CDH19: variants seen among roughly 807,000 people sequenced by gnomAD.
CDH19 encodes cadherin 19.
In CDH19, 67 loss-of-function variants were observed where a neutral mutation model predicts 64.2. The observed-to-expected ratio is 1.04, with a 90% confidence interval of 0.86 to 1.28. CDH19 has a LOEUF of 1.28. CDH19 is among the 50% of genes most tolerant of loss of function. The pLI is 0.00. For missense variants in CDH19, 1,030 were observed against 929.0 expected (o/e 1.11, Z -1.41); for synonymous variants, 346 against 319.3 (o/e 1.08, Z -0.89).
intron 3 of CDH19, among the ~76,000 whole-genome samples, chr18:66,559,368 G>C (rs1471123648): frequency 6.6e-6 from 1 of 151,816 alleles, no homozygotes; most frequent in African/African-American, 2.4e-5. Flanking sequence ...TAATTGTGAA[G>C]AGTTAAAACT....
At chr18:66,586,324 C>T (rs992309035) in intron 1 of CDH19, among the ~76,000 whole-genome samples, 1 of 151,918 alleles carries the variant, frequency 6.6e-6, no homozygotes, top group Admixed American at 6.6e-5. Flanking sequence ...GAAAATGCTA[C>T]TAAAAAATAA....
intron 3 of CDH19, among the ~76,000 whole-genome samples, chr18:66,561,384 C>G (rs539560690): frequency 1.3e-5 from 2 of 152,106 alleles, no homozygotes; most frequent in South Asian, 4.1e-4. Context: ...TATAAAGTGG[C>G]CACCAGGATA....
intron 9 of CDH19, among the ~76,000 whole-genome samples, chr18:66,525,978 A>G (rs191579870): frequency 1.3e-5 from 2 of 152,288 alleles, no homozygotes; most frequent in Admixed American, 1.3e-4. Context: ...TATCCCAGGA[A>G]GGAGTTTGGA....
In CDH19 at chr18:66,511,560, G is replaced by C; in HGVS notation, c.1576+8C>G. 9.0e-7 allele frequency: 1 copy of C among 1,109,242 alleles called. No homozygotes were observed. Among genetic ancestry groups the C allele is most frequent in the Admixed American group, 1.8e-5 (1 of 55,080 alleles). 68.7% of individuals were successfully genotyped at this position (1,109,242 alleles called of 1,614,324 possible). A position where few individuals can be genotyped will look rare whatever the true frequency, so the allele number is the denominator to read the frequency against. ...GTATCAAAACTCATTATGAGTGAAT[G>C]ACATTACCTTGATTATCTATGATTG... is the stretch of plus-strand genomic sequence containing the variant. On this transcript the variant is annotated splice_region_variant and intron_variant, in intron 10 of 11. Transcript: ENST00000262150.
chr18:66,515,325 C>T (rs1985688726), intron 9 of CDH19, among the ~76,000 whole-genome samples: 1 of 151,618 alleles, frequency 6.6e-6, no homozygotes, highest in African/African-American at 2.4e-5. Context: ...TTATATTACT[C>T]TAATGAGTAA....
chr18:66,532,967 G>A (rs1298388413), intron 8 of CDH19, among the ~76,000 whole-genome samples: 1 of 151,992 alleles, frequency 6.6e-6, no homozygotes, highest in African/African-American at 2.4e-5. Flanking sequence ...GCACCTGCTT[G>A]ACCACATAAA....
At chr18:66,594,774 A>T (rs887492523) in intron 1 of CDH19, among the ~76,000 whole-genome samples, 2 of 146,636 alleles carry the variant, frequency 1.4e-5, no homozygotes, top group Non-Finnish European at 1.5e-5. Flanking sequence ...CAAACACTGC[A>T]TATTCTCACT....
intron 1 of CDH19, among the ~76,000 whole-genome samples, chr18:66,594,940 G>T (rs1186653846): frequency 6.6e-6 from 1 of 150,996 alleles, no homozygotes; most frequent in Non-Finnish European, 1.5e-5. Flanking sequence ...CACCAGCATG[G>T]CACATGTATA....
chr18:66,603,031 A>T (rs1989075649), intron 1 of CDH19, among the ~76,000 whole-genome samples: 1 of 151,132 alleles, frequency 6.6e-6, no homozygotes, highest in Admixed American at 6.6e-5. Context: ...CAAATATTTT[A>T]TCTAAATAAT....
chr18:66,541,041 T>G (rs1218853940), intron 7 of CDH19, among the ~76,000 whole-genome samples: 6 of 152,130 alleles, frequency 3.9e-5, no homozygotes, highest in African/African-American at 1.4e-4. Context: ...CTGTGCCCCA[T>G]TTTTTAAAAA....
At chr18:66,566,268 C>G (rs1987906176) in intron 3 of CDH19, among the ~76,000 whole-genome samples, 1 of 150,514 alleles carries the variant, frequency 6.6e-6, no homozygotes, top group Non-Finnish European at 1.5e-5. Context: ...ACAATGGATT[C>G]CATGACCCTT....
At chr18:66,524,898 C>G (rs1433661532) in intron 9 of CDH19, among the ~76,000 whole-genome samples, 1 of 152,098 alleles carries the variant, frequency 6.6e-6, no homozygotes, top group Non-Finnish European at 1.5e-5. Context: ...TTTCTCTTTA[C>G]TATCATTTTC....
Position 66,539,099 on chromosome 18 carries a change from C to T in CDH19, c.1215-3992G>A, listed in dbSNP as rs563144897. 1.5e-4 allele frequency among the ~76,000 whole-genome samples: 23 copies of T among 152,172 alleles called. No homozygotes were observed. In the East Asian group the frequency reaches 1.7e-3, roughly 12 times the overall value. ...TTGGAAGAGGGATTGCTGGGTGTTG[C>T]GGTCAATATAAGTTTAATTTATAAT... On this transcript the variant is annotated intron_variant, in intron 7 of 11. Transcript: ENST00000262150.
intron 1 of CDH19, among the ~76,000 whole-genome samples, chr18:66,596,963 TCC>T (rs1988908954): frequency 6.9e-6 from 1 of 145,212 alleles, no homozygotes; most frequent in African/African-American, 2.5e-5. Flanking sequence ...GCGCCTGTAG[TCC>T]CAGCTACTTG....
intron 7 of CDH19, among the ~76,000 whole-genome samples, chr18:66,535,615 T>A (rs1022720178): frequency 1.4e-5 from 2 of 144,472 alleles, no homozygotes; most frequent in Admixed American, 7.0e-5. Flanking sequence ...TCCAAAATAT[T>A]TATATATATA....
chr18:66,540,652 G>A (rs549808297), intron 7 of CDH19, among the ~76,000 whole-genome samples: 176 of 152,072 alleles, frequency 1.2e-3, no homozygotes, highest in Non-Finnish European at 2.1e-3. Context: ...CCACTTTAAG[G>A]GCACTAATCC....
intron 7 of CDH19, among the ~76,000 whole-genome samples, chr18:66,536,042 C>CTGAAAAATGA (rs1348479579): frequency 6.7e-6 from 1 of 148,366 alleles, no homozygotes; most frequent in Admixed American, 6.7e-5. Context: ...AAAAAAAAAA[C>CTGAAAAATGA]TGAAAAATGA....
rs1206624996 is a variant in CDH19, at chr18:66,597,065, G to C, written c.-113+6889C>G. Among the ~76,000 whole-genome samples, 3 of 106,222 alleles carry C rather than the reference G, an allele frequency of 2.8e-5. No homozygotes were observed. In the East Asian group the frequency reaches 8.4e-4, roughly 30 times the overall value. The allele number at this position is 106,222 out of a possible 152,430, so 69.7% of individuals were successfully genotyped here. A position where few individuals can be genotyped will look rare whatever the true frequency, so the allele number is the denominator to read the frequency against. ...CCACTGCACTCCAGCCTGGGCGACAGAGCGAGACTCCATCTCAAAAAAAAA... is the reference window on the plus strand; with the variant it reads ...CCACTGCACTCCAGCCTGGGCGACACAGCGAGACTCCATCTCAAAAAAAAA... On this transcript the variant is annotated intron_variant, in intron 1 of 11. Transcript: ENST00000262150.
At chr18:66,567,881 T>A (rs1275938890) in intron 3 of CDH19, among the ~76,000 whole-genome samples, 1 of 151,826 alleles carries the variant, frequency 6.6e-6, no homozygotes, top group Non-Finnish European at 1.5e-5. Context: ...CTAAATGCAT[T>A]ATATTTAAAA....
Sources: allele counts gnomAD v4.1 joint callset (sites outside exome capture counted in the v4.1 genomes callset), GRCh38; gene constraint gnomAD v4.1.1; transcripts MANE v1.5; gene names NCBI Gene and HGNC (gene_info 2026-07-23, HGNC 2026-07-21).